IL12A: variants seen among roughly 807,000 people sequenced by gnomAD.
IL12A encodes interleukin-12 subunit alpha.
IL12A carries 16 observed loss-of-function variants against 23.5 expected under a neutral mutation model. That is an observed-to-expected ratio of 0.68 (90% CI 0.46 to 1.03). The LOEUF (loss-of-function observed/expected upper bound fraction) is 1.03. Among genes scored for constraint, IL12A ranks in the 50% least tolerant of loss-of-function variants. The pLI is 0.00. For missense variants in IL12A, 275 were observed against 307.0 expected (o/e 0.90, Z 0.78); for synonymous variants, 106 against 111.5 (o/e 0.95, Z 0.31).
intron 6 of IL12A, among the ~76,000 whole-genome samples, 194 bp downstream of exon 6, chr3:159,994,038 G>C (rs937085541): frequency 6.6e-6 from 1 of 152,168 alleles, no homozygotes; most frequent in Non-Finnish European, 1.5e-5. Flanking sequence ...ATGAAAAGCA[G>C]ACTCCAAAGT....
chr3:159,994,579 CGTGTGTGTGTGTGTGTGTGTGTGT>C (rs60659167), intron 6 of IL12A, among the ~76,000 whole-genome samples: 1 of 135,634 alleles, frequency 7.4e-6, no homozygotes, highest in African/African-American at 2.6e-5. Context: ...TTATTCTTTT[CGTGTGTGTGTGTGTGTGTGTGTGT>C]GTGTGTGTGT....
Position 159,988,854 on chromosome 3 carries a change from C to T in IL12A, c.-203C>T. 1 of 584,208 alleles carries T rather than the reference C, an allele frequency of 1.7e-6. No homozygotes were observed. 36.2% of individuals were successfully genotyped at this position (584,208 alleles called of 1,614,324 possible). ...GCGAACATTTCGCTTTCATTTTGGG[C>T]CGAGCTGGAGGCGGCGGGGCCGTCC... On this transcript the variant is annotated 5_prime_UTR_variant, in exon 1 of 7. Coordinates refer to ENST00000305579, the MANE Select transcript of IL12A (RefSeq NM_000882.4).
intron 6 of IL12A, chr3:159,994,126 G>A (rs1402128828): frequency 5.8e-6 from 2 of 344,816 alleles, no homozygotes; most frequent in South Asian, 3.7e-5. Flanking sequence ...CAACCATATG[G>A]GATCTGCACA....
At chr3:159,992,059 G>C (rs938769642) in intron 2 of IL12A, among the ~76,000 whole-genome samples, 1 of 152,216 alleles carries the variant, frequency 6.6e-6, no homozygotes. Context: ...TGGAGGTGGA[G>C]AATTGGTCTA....
intron 6 of IL12A, 31 bp from the exon 7 acceptor site, chr3:159,995,373 T>C (rs1720461414): frequency 3.9e-6 from 6 of 1,524,062 alleles, no homozygotes; most frequent in African/African-American, 1.4e-5. Context: ...TGGAATACCA[T>C]GTAAGTCATG....
intron 2 of IL12A, among the ~76,000 whole-genome samples, chr3:159,990,904 A>T (rs908177576): frequency 5.3e-5 from 8 of 152,226 alleles, no homozygotes; most frequent in Non-Finnish European, 7.3e-5. Flanking sequence ...CATTGCCGTT[A>T]AAAACTGCTC....
At position 159,993,828 on chromosome 3, in the gene IL12A, T is replaced by C; in HGVS notation, c.590T>C (p.Ile197Thr). Reference sequence around the variant, plus strand: ...CTAGATCAAAACATGCTGGCAGTTATTGATGAGCTGATGCAGGTAAGACTT... The same window carrying C: ...CTAGATCAAAACATGCTGGCAGTTACTGATGAGCTGATGCAGGTAAGACTT... The change falls in exon 6 of 7, where the codon ATT becomes ACT. Residue 197 changes from isoleucine (I) to threonine (T), a missense_variant. By Grantham distance (89) the Ile-to-Thr change is moderately conservative. Transcript: ENST00000305579. 2 of 1,614,156 alleles carry C rather than the reference T, an allele frequency of 1.2e-6. No homozygotes were observed. The highest frequency in any genetic ancestry group is 1.1e-5 in the South Asian group (1 of 91,078).
intron 1 of IL12A, 139 bp downstream of exon 1, chr3:159,989,313 T>C (rs1720219287): frequency 4.4e-6 from 3 of 683,462 alleles, no homozygotes; most frequent in Non-Finnish European, 7.6e-6. Context: ...GGAATAAGAA[T>C]AGGGGTCTCA....
chr3:159,994,667 C>T (rs1235132509), intron 6 of IL12A, among the ~76,000 whole-genome samples: 2 of 150,438 alleles, frequency 1.3e-5, no homozygotes, highest in Non-Finnish European at 3.0e-5. Context: ...ATCCAAGTAT[C>T]AAAGAATGTT....
chr3:159,992,724 G>A (rs2243128), intron 2 of IL12A, among the ~76,000 whole-genome samples: 6,150 of 152,294 alleles, frequency 0.04, 454 homozygotes, highest in African/African-American at 0.14. Flanking sequence ...AGTGAGGTGT[G>A]GAGGCTGGTT....
In IL12A at chr3:159,992,099, T is replaced by C. The variant is rs1203613052; in HGVS notation, c.265-913T>C. The stretch of plus-strand genomic sequence containing the variant: ...CCACAGAAAGGGATTTTACTACTTG[T>C]GCCCAAACGTATTCTGAATTTTCAG... On this transcript the variant is annotated intron_variant, in intron 2 of 6. Coordinates refer to ENST00000305579, the MANE Select transcript of IL12A (RefSeq NM_000882.4). Among the ~76,000 whole-genome samples the C allele has an allele frequency of 2.0e-5, 3 of 152,240 alleles. No homozygotes were observed. The East Asian group carries it at 5.8e-4, about 29-fold the overall frequency.
At position 159,993,653 on chromosome 3, in the gene IL12A, T is replaced by A. The variant is rs778494399; in HGVS notation, c.462+44T>A. On this transcript the variant is annotated intron_variant, in intron 5 of 6. Coordinates refer to ENST00000305579, the MANE Select transcript of IL12A (RefSeq NM_000882.4). ...TCCTCAAATGCAATGGGGGAAATGT[T>A]TTTAGCCCATCTCAATGGATACTTC... The A allele has an allele frequency of 2.5e-6, 4 of 1,614,014 alleles. No homozygotes were observed. The South Asian group carries it at 4.4e-5, about 18-fold the overall frequency.
chr3:159,993,556 T>C lies in IL12A; in HGVS notation c.421-12T>C. On this transcript the variant is annotated splice_polypyrimidine_tract_variant and intron_variant, in intron 4 of 6. Coordinates refer to ENST00000305579, the MANE Select transcript of IL12A (RefSeq NM_000882.4). ...ATTCATATCACTGATGTCTGATTAT[T>C]TTTTCCTCTAGAATGGGAGTTGCCT... The C allele has an allele frequency of 6.2e-7, 1 of 1,614,174 alleles. No homozygotes were observed. The highest frequency in any genetic ancestry group is 8.5e-7 in the Non-Finnish European group (1 of 1,180,004).
Position 159,994,210 on chromosome 3 carries a change from T to A in IL12A, c.606+366T>A, listed in dbSNP as rs565327329. On this transcript the variant is annotated intron_variant, in intron 6 of 6. Transcript: ENST00000305579. ...TGCCTCTTAAAATCCTTCAAGAGGA[T>A]TTCACTACACTTACCTTCTCACTCA... 2.4e-4 allele frequency: 45 copies of A among 189,362 alleles called. 1 individual carries two copies. In the South Asian group the frequency reaches 5.4e-3, roughly 23 times the overall value. The allele number at this position is 189,362 out of a possible 1,614,324, so 11.7% of individuals were successfully genotyped here. A position where few individuals can be genotyped will look rare whatever the true frequency, so the allele number is the denominator to read the frequency against.
intron 1 of IL12A, 28 bp from the exon 2 acceptor site, chr3:159,990,139 C>G (rs765586268): frequency 6.2e-7 from 1 of 1,611,406 alleles, no homozygotes; most frequent in Non-Finnish European, 8.5e-7. Flanking sequence ...CAGGCTGAAG[C>G]TCCTCCACCT....
intron 2 of IL12A, 58 bp downstream of exon 2, chr3:159,990,370 C>T (rs1447576204): frequency 6.5e-7 from 1 of 1,543,868 alleles, no homozygotes; most frequent in African/African-American, 1.4e-5. Context: ...GAAGGGGCCT[C>T]TGATCCTCCC....
chr3:159,990,371 T>A, intron 2 of IL12A, 59 bp downstream of exon 2: 1 of 1,543,080 alleles, frequency 6.5e-7, no homozygotes, highest in Admixed American at 1.7e-5. Flanking sequence ...AAGGGGCCTC[T>A]GATCCTCCCC....
Position 159,990,317 on chromosome 3 carries a change from G to A in IL12A, c.264+5G>A. The A allele has an allele frequency of 1.2e-6, 2 of 1,613,984 alleles. No homozygotes were observed. Among genetic ancestry groups the A allele is most frequent in the South Asian group, 1.1e-5 (1 of 91,044 alleles). The stretch of plus-strand genomic sequence containing the variant: ...GTCAGCAACATGCTCCAGAAGGTGA[G>A]CCTTTCCTGTCCTCTCCACTGTGGA... On this transcript the variant is annotated splice_donor_5th_base_variant and intron_variant, in intron 2 of 6. Coordinates refer to ENST00000305579, the MANE Select transcript of IL12A (RefSeq NM_000882.4).
rs190538535 is a variant in IL12A at position 159,993,661 on chromosome 3, C to T, written c.463-40C>T. On this transcript the variant is annotated intron_variant, in intron 5 of 6. Coordinates refer to ENST00000305579, the MANE Select transcript of IL12A (RefSeq NM_000882.4). ...TGCAATGGGGGAAATGTTTTTAGCC[C>T]ATCTCAATGGATACTTCCCCATCTT... 6.2e-6 allele frequency: 10 copies of T among 1,613,994 alleles called. No homozygotes were observed. The Admixed American group carries it at 8.3e-5, about 13-fold the overall frequency.
Sources: allele counts gnomAD v4.1 joint callset (sites outside exome capture counted in the v4.1 genomes callset), GRCh38; gene constraint gnomAD v4.1.1; transcripts MANE v1.5; gene names NCBI Gene and HGNC (gene_info 2026-07-23, HGNC 2026-07-21).